The following CYP7B1 variants were observed in gnomAD, a reference collection of about 807,000 sequenced individuals.
The protein encoded by CYP7B1 is cytochrome P450 7B1.
Under a neutral mutation model 42.7 loss-of-function variants are expected in CYP7B1, and 29 were observed. The observed-to-expected ratio is 0.68, with a 90% confidence interval of 0.51 to 0.93. CYP7B1 has a LOEUF of 0.93. Ranked by LOEUF, CYP7B1 falls within the 40% of genes least tolerant of loss-of-function variation. The probability of loss-of-function intolerance (pLI) is 0.00; values close to 1 mark genes in which losing one functional copy is unlikely to be tolerated. For synonymous variants in CYP7B1, 235 were observed against 218.2 expected (o/e 1.08, Z -0.68); for missense variants, 655 against 600.5 (o/e 1.09, Z -0.95).
intron 1 of CYP7B1, among the ~76,000 whole-genome samples, chr8:64,797,973 G>A (rs1339421130): frequency 2.6e-5 from 4 of 152,166 alleles, no homozygotes; most frequent in African/African-American, 9.7e-5. Flanking sequence ...AATCTCACGA[G>A]GCATGTACTA....
chr8:64,638,527 C>T (rs1027914516), intron 1 of CYP7B1, among the ~76,000 whole-genome samples: 11 of 151,936 alleles, frequency 7.2e-5, no homozygotes, highest in Admixed American at 2.0e-4. Flanking sequence ...TTTGGAGTAA[C>T]ATTTGTAGGT....
At position 64,615,697 on chromosome 8, in the gene CYP7B1, T is replaced by C. The variant is rs1347014388; in HGVS notation, c.844A>G (p.Ile282Val). The stretch of plus-strand genomic sequence containing the variant: ...CTCATTCAGAAGTTCTTACCTCCTA[T>C]TTCAAGGTCCTCGTGCACATAATAT... ...EKYYVHEDLE[I>V]GAHHLGFLWA... The change falls in exon 3 of 6, where the codon ATA becomes GTA. Residue 282 changes from isoleucine (I) to valine (V), a missense_variant. Coordinates refer to ENST00000310193, the MANE Select transcript of CYP7B1 (RefSeq NM_004820.5). The C allele has an allele frequency of 1.9e-6, 3 of 1,613,456 alleles. No individual in the cohort carries two copies. The highest frequency in any genetic ancestry group is 2.5e-6 in the Non-Finnish European group (3 of 1,179,590).
downstream of CYP7B1, among the ~76,000 whole-genome samples, chr8:64,589,470 C>T (rs952205752): frequency 5.3e-5 from 8 of 152,234 alleles, no homozygotes; most frequent in African/African-American, 1.9e-4. Context: ...ATTACAAATA[C>T]TTTTAACGGT....
chr8:64,629,264 A>T (rs945978498), intron 1 of CYP7B1, among the ~76,000 whole-genome samples: 1 of 150,808 alleles, frequency 6.6e-6, no homozygotes, highest in Admixed American at 6.6e-5. Context: ...CGCTTCTTAC[A>T]GCAATCTATA....
intron 1 of CYP7B1, among the ~76,000 whole-genome samples, chr8:64,690,725 G>A (rs1585858474): frequency 6.6e-6 from 1 of 152,284 alleles, no homozygotes; most frequent in East Asian, 1.9e-4. Flanking sequence ...AATAGATTGT[G>A]AAACGAGAAA....
At chr8:64,696,665 CT>C (rs1806832889) in intron 1 of CYP7B1, among the ~76,000 whole-genome samples, 1 of 152,138 alleles carries the variant, frequency 6.6e-6, no homozygotes, top group African/African-American at 2.4e-5. Context: ...TGATTTGTGA[CT>C]GTAAAGTATT....
chr8:64,699,008 T>C (rs2356987), intron 1 of CYP7B1, among the ~76,000 whole-genome samples: 1 of 152,184 alleles, frequency 6.6e-6, no homozygotes, highest in Non-Finnish European at 1.5e-5. Context: ...TCAGCCATCA[T>C]ACAATGCTGC....
chr8:64,686,491 CG>C (rs1806650091), intron 1 of CYP7B1, among the ~76,000 whole-genome samples: 1 of 45,510 alleles, frequency 2.2e-5, no homozygotes, highest in Admixed American at 1.8e-4. Context: ...CCGCCCCGTC[CG>C]GGAGGGAGGT....
At chr8:64,695,573 A>G (rs960652310) in intron 1 of CYP7B1, among the ~76,000 whole-genome samples, 2 of 151,490 alleles carry the variant, frequency 1.3e-5, no homozygotes, top group African/African-American at 4.9e-5. Flanking sequence ...ACTTTTTAAA[A>G]AGAACAAAAT....
intron 1 of CYP7B1, among the ~76,000 whole-genome samples, chr8:64,769,757 T>C (rs1039337630): frequency 1.3e-5 from 2 of 152,160 alleles, no homozygotes; most frequent in African/African-American, 4.8e-5. Flanking sequence ...TCAAATGTAA[T>C]CTTCACTTCC....
At chr8:64,656,742 G>T (rs139796819) in intron 1 of CYP7B1, among the ~76,000 whole-genome samples, 2 of 152,190 alleles carry the variant, frequency 1.3e-5, no homozygotes, top group African/African-American at 2.4e-5. Flanking sequence ...AGTTGGTACA[G>T]TTTTCATTTC....
At chr8:64,740,899 T>A (rs930556592) in intron 1 of CYP7B1, among the ~76,000 whole-genome samples, 1 of 152,080 alleles carries the variant, frequency 6.6e-6, no homozygotes, top group Non-Finnish European at 1.5e-5. Flanking sequence ...CCAGATGATA[T>A]AAATGGCAAA....
At chr8:64,777,394 T>TAACC (rs548482221) in intron 1 of CYP7B1, among the ~76,000 whole-genome samples, 2 of 152,174 alleles carry the variant, frequency 1.3e-5, no homozygotes, top group South Asian at 4.2e-4. Context: ...GCTAGGAAAT[T>TAACC]AACCACTTAA....
At chr8:64,708,333 C>T (rs1181223828) in intron 1 of CYP7B1, among the ~76,000 whole-genome samples, 2 of 152,188 alleles carry the variant, frequency 1.3e-5, no homozygotes, top group African/African-American at 4.8e-5. Context: ...CACCAGTTCA[C>T]CTACTCAGCA....
At chr8:64,599,882 A>C (rs1023486902) in intron 5 of CYP7B1, among the ~76,000 whole-genome samples, 1 of 152,232 alleles carries the variant, frequency 6.6e-6, no homozygotes, top group Non-Finnish European at 1.5e-5. Context: ...TGGAACTGCT[A>C]TCAGGCTAAA....
At chr8:64,600,229 T>C (rs1462621908) in intron 5 of CYP7B1, among the ~76,000 whole-genome samples, 1 of 152,186 alleles carries the variant, frequency 6.6e-6, no homozygotes, top group Non-Finnish European at 1.5e-5. Flanking sequence ...GACACAATTT[T>C]CTGGATAGAG....
chr8:64,758,931 C>A (rs1352347173), intron 1 of CYP7B1, among the ~76,000 whole-genome samples: 1 of 152,202 alleles, frequency 6.6e-6, no homozygotes, highest in Non-Finnish European at 1.5e-5. Flanking sequence ...TTATGTCAGA[C>A]TGCTTCCCAT....
intron 1 of CYP7B1, among the ~76,000 whole-genome samples, chr8:64,655,549 G>A (rs1258358143): frequency 1.3e-5 from 2 of 152,166 alleles, no homozygotes; most frequent in Admixed American, 1.3e-4. Flanking sequence ...GTGGAGAAAA[G>A]GGAACCCTTA....
At chr8:64,643,757 T>C (rs902300467) in intron 1 of CYP7B1, among the ~76,000 whole-genome samples, 1 of 152,170 alleles carries the variant, frequency 6.6e-6, no homozygotes, top group Non-Finnish European at 1.5e-5. Flanking sequence ...TTTTTGTAAT[T>C]TCAACAATGT....
Sources: allele counts gnomAD v4.1 joint callset (sites outside exome capture counted in the v4.1 genomes callset), GRCh38; gene constraint gnomAD v4.1.1; transcripts MANE v1.5; gene names NCBI Gene and HGNC (gene_info 2026-07-23, HGNC 2026-07-21).